The following SLC39A11 variants were observed in gnomAD, a reference collection of about 807,000 sequenced individuals.
The protein encoded by SLC39A11 is zinc transporter ZIP11.
Under a neutral mutation model 36.1 loss-of-function variants are expected in SLC39A11, and 33 were observed. The observed-to-expected ratio is 0.91, with a 90% CI of 0.69 to 1.22. The LOEUF (loss-of-function observed/expected upper bound fraction) is 1.22. SLC39A11 is among the 50% of genes most tolerant of loss of function. The pLI is 0.00. For missense variants in SLC39A11, 432 were observed against 430.3 expected, an observed-to-expected ratio of 1.00 and a Z score of -0.03; for synonymous variants, 166 against 170.3, an observed-to-expected ratio of 0.97 and a Z score of 0.20.
chr17:73,075,459 C>T (rs2060288623), intron 3 of SLC39A11, among the ~76,000 whole-genome samples: 1 of 152,242 alleles, frequency 6.6e-6, no homozygotes, highest in Admixed American at 6.5e-5. Context: ...TCTCCCCAGA[C>T]TTGTTTCTTG....
intron 6 of SLC39A11, among the ~76,000 whole-genome samples, chr17:72,810,245 C>T (rs1221020997): frequency 2.6e-5 from 4 of 152,190 alleles, no homozygotes; most frequent in African/African-American, 9.6e-5. Context: ...AATTCTACCC[C>T]TAGGTACATA....
chr17:72,972,291 T>C (rs1190176419), intron 4 of SLC39A11, among the ~76,000 whole-genome samples: 1 of 151,702 alleles, frequency 6.6e-6, no homozygotes, highest in African/African-American at 2.4e-5. Context: ...GGGTGGGAAG[T>C]GAGATGAAGT....
chr17:72,668,906 A>G (rs1235423079), intron 7 of SLC39A11, among the ~76,000 whole-genome samples: 1 of 152,250 alleles, frequency 6.6e-6, no homozygotes, highest in African/African-American at 2.4e-5. Context: ...GAGACAGAAA[A>G]GGCAGGGTAC....
intron 5 of SLC39A11, among the ~76,000 whole-genome samples, chr17:72,922,868 T>C (rs2083756076): frequency 1.4e-5 from 2 of 143,246 alleles, no homozygotes; most frequent in South Asian, 4.4e-4. Flanking sequence ...CTCGGGAGGC[T>C]GAGGCACGAG....
chr17:73,018,312 G>A (rs1362802373), intron 4 of SLC39A11, among the ~76,000 whole-genome samples: 3 of 152,174 alleles, frequency 2.0e-5, no homozygotes, highest in Non-Finnish European at 4.4e-5. Flanking sequence ...ACTTTGCGAG[G>A]CCAAGGTGGG....
intron 6 of SLC39A11, among the ~76,000 whole-genome samples, chr17:72,756,486 A>C (rs1255480025): frequency 6.6e-6 from 1 of 152,270 alleles, no homozygotes; most frequent in Non-Finnish European, 1.5e-5. Context: ...ATGCTATAAC[A>C]TGGCTGCACC....
At chr17:72,944,809 G>A (rs2085331125) in intron 5 of SLC39A11, among the ~76,000 whole-genome samples, 1 of 152,114 alleles carries the variant, frequency 6.6e-6, no homozygotes, top group African/African-American at 2.4e-5. Context: ...ATGGATCTAT[G>A]AGCACCTCAG....
intron 5 of SLC39A11, among the ~76,000 whole-genome samples, chr17:72,906,938 G>A (rs1274563770): frequency 6.6e-6 from 1 of 152,154 alleles, no homozygotes; most frequent in African/African-American, 2.4e-5. Flanking sequence ...CCGGAGATCA[G>A]GGCTGCCTAA....
intron 4 of SLC39A11, among the ~76,000 whole-genome samples, chr17:72,953,362 G>C (rs561516758): frequency 3.9e-5 from 6 of 152,160 alleles, no homozygotes; most frequent in Non-Finnish European, 8.8e-5. Context: ...AAGAAAGAAA[G>C]ATGATGAAAT....
At chr17:72,741,772 G>C (rs544534685) in intron 6 of SLC39A11, among the ~76,000 whole-genome samples, 2 of 152,272 alleles carry the variant, frequency 1.3e-5, no homozygotes, top group South Asian at 4.1e-4. Context: ...GAGGCCCAGG[G>C]TGTTGGTCCT....
At chr17:72,676,368 C>G (rs902350654) in intron 7 of SLC39A11, among the ~76,000 whole-genome samples, 7 of 151,974 alleles carry the variant, frequency 4.6e-5, no homozygotes, top group Non-Finnish European at 1.0e-4. Flanking sequence ...TTTTTGAAGG[C>G]AGATGGAGAG....
chr17:72,732,685 C>T (rs911336869), intron 7 of SLC39A11, among the ~76,000 whole-genome samples: 7 of 152,172 alleles, frequency 4.6e-5, no homozygotes, highest in East Asian at 3.9e-4. Context: ...TAAGTGCAAC[C>T]GTACTTAAGA....
chr17:73,050,802 G>A (rs1050401275), intron 3 of SLC39A11, among the ~76,000 whole-genome samples: 4 of 152,234 alleles, frequency 2.6e-5, no homozygotes, highest in African/African-American at 9.6e-5. Flanking sequence ...GGGGATGGGG[G>A]AGGTGAAAGG....
intron 6 of SLC39A11, among the ~76,000 whole-genome samples, chr17:72,787,600 G>A (rs1250097083): frequency 1.3e-5 from 2 of 152,144 alleles, no homozygotes; most frequent in Admixed American, 6.6e-5. Flanking sequence ...AATTACTGGG[G>A]TTCTACAGTT....
intron 6 of SLC39A11, among the ~76,000 whole-genome samples, chr17:72,818,315 C>G (rs563369777): frequency 6.6e-6 from 1 of 152,140 alleles, no homozygotes. Context: ...TCTGAAAGCC[C>G]CAGGCTGTGG....
intron 6 of SLC39A11, among the ~76,000 whole-genome samples, chr17:72,834,415 A>C (rs1285468388): frequency 6.6e-6 from 1 of 152,174 alleles, no homozygotes; most frequent in African/African-American, 2.4e-5. Context: ...TGAGGTCATG[A>C]GTTTGAGACC....
intron 3 of SLC39A11, among the ~76,000 whole-genome samples, chr17:73,034,917 C>T (rs1425284704): frequency 1.3e-5 from 2 of 152,134 alleles, no homozygotes; most frequent in Non-Finnish European, 2.9e-5. Flanking sequence ...GCAATGCAAA[C>T]GCATCCCAGC....
chr17:72,927,557 G>A (rs993432771), intron 5 of SLC39A11, among the ~76,000 whole-genome samples: 3 of 152,178 alleles, frequency 2.0e-5, no homozygotes, highest in South Asian at 2.1e-4. Context: ...AGGCTTACCT[G>A]GAGTATCTCA....
chr17:72,699,036 A>T (rs181118177), intron 7 of SLC39A11, among the ~76,000 whole-genome samples: 6 of 152,150 alleles, frequency 3.9e-5, no homozygotes, highest in South Asian at 4.2e-4. Flanking sequence ...TCACCATGTT[A>T]GCCAGGATGG....
Sources: gnomAD v4.1 joint callset for allele counts (sites outside exome capture counted in the v4.1 genomes callset) on GRCh38, gnomAD v4.1.1 for gene constraint, MANE v1.5 for transcripts, NCBI Gene and HGNC (gene_info 2026-07-23, HGNC 2026-07-21) for gene names.